Variants in TAX1BP1 observed in about 807,000 individuals in gnomAD.
The protein encoded by TAX1BP1 is tax1-binding protein 1.
A neutral mutation model predicts 97.7 loss-of-function variants in TAX1BP1; 62 were observed. The observed-to-expected ratio is 0.63, with a 90% CI of 0.52 to 0.78. TAX1BP1 has a LOEUF of 0.78. Ranked by LOEUF, TAX1BP1 falls within the 30% of genes least tolerant of loss-of-function variation. The probability of loss-of-function intolerance (pLI) is 0.00; values close to 1 mark genes in which losing one functional copy is unlikely to be tolerated. For missense variants in TAX1BP1, 867 were observed against 916.1 expected (o/e 0.95, Z 0.69); for synonymous variants, 340 against 304.2 (o/e 1.12, Z -1.23).
chr7:27,742,205 GATGT>G (rs1333465522), intron 1 of TAX1BP1, among the ~76,000 whole-genome samples: 2 of 152,286 alleles, frequency 1.3e-5, no homozygotes, highest in Admixed American at 1.3e-4. Context: ...ACCCTTTACG[GATGT>G]CGGGCTGGGG....
intron 13 of TAX1BP1, among the ~76,000 whole-genome samples, chr7:27,806,943 A>T (rs1343827850): frequency 1.3e-5 from 2 of 152,038 alleles, no homozygotes; most frequent in African/African-American, 2.4e-5. Context: ...ATTTTAAATA[A>T]TTTTCTTCCT....
Position 27,755,279 on chromosome 7 carries a change from T to G in TAX1BP1, c.163-2752T>G, listed in dbSNP as rs139969135. Among the ~76,000 whole-genome samples, 188 of 152,306 alleles carry G rather than the reference T, an allele frequency of 1.2e-3. 2 individuals carry two copies. The highest frequency in any genetic ancestry group is 4.3e-3 in the African/African-American group (177 of 41,572). On this transcript the variant is annotated intron_variant, in intron 2 of 16. Coordinates refer to ENST00000396319, the MANE Select transcript of TAX1BP1 (RefSeq NM_006024.7). ...GGCGTTTTTCCTCACTTAATTATAT[T>G]TCTTGGGAATCCTCCTATATCCATA...
At chr7:27,819,420 G>A (rs1039997149) in intron 15 of TAX1BP1, among the ~76,000 whole-genome samples, 4 of 152,236 alleles carry the variant, frequency 2.6e-5, no homozygotes, top group East Asian at 1.9e-4. Context: ...TTCATTTCCT[G>A]TTTCTCATTG....
intron 7 of TAX1BP1, among the ~76,000 whole-genome samples, chr7:27,786,292 C>T (rs1310939370): frequency 6.6e-6 from 1 of 151,874 alleles, no homozygotes; most frequent in Non-Finnish European, 1.5e-5. Flanking sequence ...CGACCACGTC[C>T]GGCTAATTTT....
intron 5 of TAX1BP1, among the ~76,000 whole-genome samples, chr7:27,781,038 TAAAAA>T (rs543570931): frequency 1.3e-5 from 2 of 151,322 alleles, no homozygotes; most frequent in African/African-American, 4.9e-5. Flanking sequence ...AACCTAATGT[TAAAAA>T]AAAATCACTA....
At chr7:27,742,104 A>AT (rs532314327) in intron 1 of TAX1BP1, among the ~76,000 whole-genome samples, 1,623 of 152,278 alleles carry the variant, frequency 0.011, 18 homozygotes, top group African/African-American at 0.033. Context: ...GAGACATTCC[A>AT]TGCCCAGGGA....
chr7:27,802,030 GAAGAGCATT>G (rs1050822247), intron 13 of TAX1BP1, among the ~76,000 whole-genome samples: 3 of 152,216 alleles, frequency 2.0e-5, no homozygotes, highest in African/African-American at 7.2e-5. Flanking sequence ...TAAGTAGATG[GAAGAGCATT>G]AAGACACGTT....
intron 13 of TAX1BP1, among the ~76,000 whole-genome samples, chr7:27,807,085 T>C (rs1261274777): frequency 6.6e-6 from 1 of 152,220 alleles, no homozygotes; most frequent in East Asian, 1.9e-4. Flanking sequence ...TTGAACTTTT[T>C]GTAGTTTTAA....
chr7:27,816,987 T>C lies in TAX1BP1; in HGVS notation c.2034T>C (p.Pro678=). The C allele has an allele frequency of 1.2e-6, 2 of 1,614,052 alleles. No homozygotes were observed. The highest frequency in any genetic ancestry group is 1.7e-6 in the Non-Finnish European group (2 of 1,179,970). ...AAGACAATGTTGTCTGCAGCCAGCC[T>C]GCTCGAAACTTTAGTCGGCCTGATG... The part of the protein sequence containing the change: ...GLEDNVVCSQ[P]ARNFSRPDGL... The change falls in exon 15 of 17, where the codon CCT becomes CCC. Residue 678 remains proline, a synonymous_variant. Coordinates refer to ENST00000396319, the MANE Select transcript of TAX1BP1 (RefSeq NM_006024.7).
At chr7:27,750,335 T>G (rs973118222) in intron 2 of TAX1BP1, among the ~76,000 whole-genome samples, 5 of 152,242 alleles carry the variant, frequency 3.3e-5, no homozygotes, top group Non-Finnish European at 7.3e-5. Context: ...AGGAAATGCT[T>G]ATTGGAACAT....
chr7:27,785,342 A>T (rs1040136407), intron 6 of TAX1BP1, 31 bp downstream of exon 6: 7 of 1,588,546 alleles, frequency 4.4e-6, no homozygotes, highest in Non-Finnish European at 8.5e-7. Context: ...AAATAAATTC[A>T]ATAAAAATTT....
At chr7:27,758,771 A>AGAAT (rs1788319248) in intron 3 of TAX1BP1, among the ~76,000 whole-genome samples, 1 of 152,192 alleles carries the variant, frequency 6.6e-6, no homozygotes, top group Non-Finnish European at 1.5e-5. Flanking sequence ...CACAGAAAGT[A>AGAAT]GAATGGTGGT....
chr7:27,812,444 C>CT (rs991613094), intron 13 of TAX1BP1, among the ~76,000 whole-genome samples: 15 of 151,770 alleles, frequency 9.9e-5, no homozygotes, highest in African/African-American at 3.4e-4. Flanking sequence ...TTCTTTTTTC[C>CT]TTTTTTACAA....
At chr7:27,760,545 A>G (rs1302470945) in intron 3 of TAX1BP1, among the ~76,000 whole-genome samples, 1 of 151,856 alleles carries the variant, frequency 6.6e-6, no homozygotes, top group Non-Finnish European at 1.5e-5. Context: ...GGCGCCCGCC[A>G]CCATGCCTGG....
chr7:27,778,014 G>A (rs1055184381), intron 5 of TAX1BP1, among the ~76,000 whole-genome samples: 4 of 151,840 alleles, frequency 2.6e-5, no homozygotes, highest in African/African-American at 9.7e-5. Flanking sequence ...TGTTTATTTA[G>A]AGGAGCCAAG....
In TAX1BP1 at chr7:27,757,490, A is replaced by T. The variant is rs78067097; in HGVS notation, c.163-541A>T. On this transcript the variant is annotated intron_variant, in intron 2 of 16. Transcript: ENST00000396319. Reference sequence around the variant, plus strand: ...GATGTCTAAGTAAAACAAATAAAACACTTACATTGGAGGTATAAATTAAGT... The same window carrying T: ...GATGTCTAAGTAAAACAAATAAAACTCTTACATTGGAGGTATAAATTAAGT... Among the ~76,000 whole-genome samples the T allele has an allele frequency of 4.0e-3, 603 of 152,192 alleles. 6 individuals are homozygous for T. The highest frequency in any genetic ancestry group is 0.014 in the African/African-American group (589 of 41,546).
At chr7:27,803,986 T>C (rs774204689) in intron 13 of TAX1BP1, among the ~76,000 whole-genome samples, 8 of 152,242 alleles carry the variant, frequency 5.3e-5, no homozygotes, top group Non-Finnish European at 1.0e-4. Context: ...AATGAGCCTG[T>C]TATATCAGGG....
intron 5 of TAX1BP1, among the ~76,000 whole-genome samples, chr7:27,771,097 A>ATTTTTTTTTTTT (rs57751582): frequency 7.6e-4 from 31 of 40,624 alleles, no homozygotes; most frequent in Middle Eastern, 0.029. Flanking sequence ...ACATTCAGCA[A>ATTTTTTTTTTTT]TTTTTTTTTT....
At chr7:27,739,919 A>G (rs1447706275), upstream of TAX1BP1, 2 of 152,294 alleles carry the variant, frequency 1.3e-5, no homozygotes, top group Non-Finnish European at 2.9e-5. Context: ...TGTCAAAATA[A>G]TAACATAAAA....
Sources: gnomAD v4.1 joint callset for allele counts (sites outside exome capture counted in the v4.1 genomes callset) on GRCh38, gnomAD v4.1.1 for gene constraint, MANE v1.5 for transcripts, NCBI Gene and HGNC (gene_info 2026-07-23, HGNC 2026-07-21) for gene names.